Variants in CDK12 observed in about 807,000 individuals in gnomAD.
The protein encoded by CDK12 is cyclin dependent kinase 12.
CDK12 carries 17 observed loss-of-function variants against 133.8 expected under a neutral mutation model. The ratio of observed to expected loss-of-function variants is 0.13; its 90% confidence interval spans 0.09 to 0.19. The LOEUF is 0.19. Ranked by LOEUF, CDK12 falls within the 10% of genes least tolerant of loss-of-function variation. CDK12 has a pLI of 1.00. For synonymous variants in CDK12, 694 were observed against 683.6 expected (o/e 1.02, Z -0.24); for missense variants, 1,508 against 1,818.7 (o/e 0.83, Z 3.11).
intron 4 of CDK12, among the ~76,000 whole-genome samples, chr17:39,493,765 G>C (rs1202882403): frequency 1.3e-5 from 2 of 152,036 alleles, no homozygotes; most frequent in African/African-American, 4.8e-5. Context: ...TGGGAGGCCA[G>C]GTGGGCAGAT....
intron 4 of CDK12, among the ~76,000 whole-genome samples, chr17:39,493,959 G>A (rs1408066861): frequency 6.6e-6 from 1 of 152,052 alleles, no homozygotes; most frequent in Non-Finnish European, 1.5e-5. Context: ...TCGCGCCAGT[G>A]CCCTGCAGCC....
At chr17:39,515,350 T>C (rs1032280757) in intron 8 of CDK12, among the ~76,000 whole-genome samples, 4 of 152,234 alleles carry the variant, frequency 2.6e-5, no homozygotes, top group African/African-American at 9.6e-5. Context: ...ATTCAAACTT[T>C]ATAGAAACTA....
chr17:39,505,096 G>A (rs1403118698), intron 6 of CDK12, among the ~76,000 whole-genome samples: 1 of 151,458 alleles, frequency 6.6e-6, no homozygotes, highest in African/African-American at 2.4e-5. Context: ...GGGCATGGTG[G>A]CGCATGCCTG....
chr17:39,536,486 A>C (rs1598208420), downstream of CDK12, among the ~76,000 whole-genome samples: 1 of 152,180 alleles, frequency 6.6e-6, no homozygotes, highest in East Asian at 1.9e-4. Flanking sequence ...TGGCCAGGAA[A>C]GGCAGGGAGT....
intron 1 of CDK12, among the ~76,000 whole-genome samples, chr17:39,466,974 A>G (rs1655387961): frequency 6.6e-6 from 1 of 151,580 alleles, no homozygotes; most frequent in Non-Finnish European, 1.5e-5. Flanking sequence ...ATTTTATTTT[A>G]TTTTATTTTA....
intron 3 of CDK12, among the ~76,000 whole-genome samples, chr17:39,560,211 T>C (rs2056325855): frequency 6.6e-6 from 1 of 152,232 alleles, no homozygotes; most frequent in Admixed American, 6.5e-5. Flanking sequence ...CAGTTACCTG[T>C]AGAAGGACAT....
At chr17:39,518,857 G>A (rs2053980438) in intron 10 of CDK12, among the ~76,000 whole-genome samples, 2 of 151,940 alleles carry the variant, frequency 1.3e-5, no homozygotes, top group Admixed American at 1.3e-4. Flanking sequence ...ACCACACCTA[G>A]CCAGAATTGG....
Position 39,533,762 on chromosome 17 carries a change from GTTTGGTAGTTTTGACTA to G in CDK12, c.*2450_*2466del. On this transcript the variant is annotated 3_prime_UTR_variant, in exon 14 of 14. Coordinates refer to ENST00000447079, the MANE Select transcript of CDK12 (RefSeq NM_016507.4). ...GGGAGTCTTTTAAAATGAAAACAAA[GTTTGGTAGTTTTGACTA>G]TTTCTAAAAGCAGAGGAGAAAAAAA... 1 of 232,360 alleles carries G rather than the reference GTTTGGTAGTTTTGACTA, an allele frequency of 4.3e-6. No individual in the cohort carries two copies. Among genetic ancestry groups the G allele is most frequent in the Non-Finnish European group, 8.5e-6 (1 of 117,556 alleles). 14.4% of individuals were successfully genotyped at this position (232,360 alleles called of 1,614,324 possible). A position where few individuals can be genotyped will look rare whatever the true frequency, so the allele number is the denominator to read the frequency against.
rs941617710 is a variant in CDK12, at chr17:39,533,272, T to C, written c.*1956T>C. The C allele has an allele frequency of 4.7e-5, 11 of 233,000 alleles. No individual in the cohort carries two copies. Among genetic ancestry groups the C allele is most frequent in the African/African-American group, 2.4e-4 (11 of 45,340 alleles). The allele number at this position is 233,000 out of a possible 1,614,324, so 14.4% of individuals were successfully genotyped here. A position where few individuals can be genotyped will look rare whatever the true frequency, so the allele number is the denominator to read the frequency against. On this transcript the variant is annotated 3_prime_UTR_variant, in exon 14 of 14. Coordinates refer to ENST00000447079, the MANE Select transcript of CDK12 (RefSeq NM_016507.4). ...AGCCTTCTAGCTATTTTGGCATTGA[T>C]GGCTTTTTATACCAGTGTGTCCAGT...
chr17:39,528,961 G>C lies in CDK12; in HGVS notation c.3761-1643G>C, dbSNP rs1178916662. ...GAAATCTATCATTACTTGTAGTCCA[G>C]TTTGCCCTCCTTTTTCAGCATGTCT... is the stretch of plus-strand genomic sequence containing the variant. On this transcript the variant is annotated intron_variant, in intron 13 of 13. Coordinates refer to ENST00000447079, the MANE Select transcript of CDK12 (RefSeq NM_016507.4). Among the ~76,000 whole-genome samples, 3 of 152,274 alleles carry C rather than the reference G, an allele frequency of 2.0e-5. No individual in the cohort carries two copies. In the East Asian group the frequency reaches 5.8e-4, roughly 29 times the overall value.
intron 10 of CDK12, among the ~76,000 whole-genome samples, chr17:39,519,519 G>A (rs1025476136): frequency 1.3e-5 from 2 of 151,084 alleles, no homozygotes; most frequent in African/African-American, 2.4e-5. Flanking sequence ...GGCCTCAAAC[G>A]ATCCACCCGC....
intron 11 of CDK12, among the ~76,000 whole-genome samples, chr17:39,523,715 G>A (rs1202570664): frequency 6.6e-6 from 1 of 152,032 alleles, no homozygotes; most frequent in Non-Finnish European, 1.5e-5. Flanking sequence ...GTGCAGTGGT[G>A]TGATCTCGGC....
chr17:39,501,493 T>A (rs1362722021), intron 6 of CDK12, 54 bp downstream of exon 6: 5 of 1,266,614 alleles, frequency 3.9e-6, no homozygotes, highest in Admixed American at 4.2e-5. Flanking sequence ...TCTGACCTTT[T>A]TAGTTTCAAA....
intron 8 of CDK12, among the ~76,000 whole-genome samples, chr17:39,515,383 A>G (rs956489423): frequency 1.5e-4 from 23 of 152,078 alleles, no homozygotes; most frequent in Admixed American, 1.0e-3. Flanking sequence ...ATCCTTGTTT[A>G]TTTATTTTTT....
upstream of CDK12, chr17:39,549,950 C>T (rs2055882165): frequency 6.6e-6 from 1 of 152,208 alleles, no homozygotes; most frequent in Admixed American, 6.6e-5. Context: ...CCCCATCATA[C>T]CCTGCCCCAT....
At chr17:39,517,605 G>GGGACTTGGCTT in intron 10 of CDK12, 49 bp downstream of exon 10, 1 of 1,164,642 alleles carries the variant, frequency 8.6e-7, no homozygotes, top group Non-Finnish European at 1.3e-6. Flanking sequence ...GGCTGGTGTT[G>GGGACTTGGCTT]GGACTTGGCT....
At position 39,532,975 on chromosome 17, in the gene CDK12, C is replaced by T. The variant is rs2054950536; in HGVS notation, c.*1659C>T. The T allele has an allele frequency of 4.3e-6, 1 of 232,562 alleles. No individual in the cohort carries two copies. The highest frequency in any genetic ancestry group is 8.5e-6 in the Non-Finnish European group (1 of 117,738). 14.4% of individuals were successfully genotyped at this position (232,562 alleles called of 1,614,324 possible). On this transcript the variant is annotated 3_prime_UTR_variant, in exon 14 of 14. Transcript: ENST00000447079. The stretch of plus-strand genomic sequence containing the variant: ...CAAAGAAAAAGTAAACATACTTCAG[C>T]ATCTTGGAGGGTAGTTTTCAAAACT...
At chr17:39,516,956 C>G (rs942698059) in intron 9 of CDK12, among the ~76,000 whole-genome samples, 1 of 152,146 alleles carries the variant, frequency 6.6e-6, no homozygotes, top group Non-Finnish European at 1.5e-5. Context: ...AGCCACCGTG[C>G]CCGGCCAATG....
chr17:39,463,903 T>C (rs1392426471), intron 1 of CDK12, among the ~76,000 whole-genome samples: 1 of 152,108 alleles, frequency 6.6e-6, no homozygotes, highest in African/African-American at 2.4e-5. Flanking sequence ...TGTGTTCTTG[T>C]TCCTAGGTAA....
Sources: gnomAD v4.1 joint callset for allele counts (sites outside exome capture counted in the v4.1 genomes callset) on GRCh38, gnomAD v4.1.1 for gene constraint, MANE v1.5 for transcripts, NCBI Gene and HGNC (gene_info 2026-07-23, HGNC 2026-07-21) for gene names.